SULT1E1: variants seen among roughly 807,000 people sequenced by gnomAD.
The protein encoded by SULT1E1 is sulfotransferase family 1E member 1.
SULT1E1 carries 36 observed loss-of-function variants against 33.6 expected under a neutral mutation model. The ratio of observed to expected loss-of-function variants is 1.07; its 90% CI spans 0.82 to 1.41. SULT1E1 has a LOEUF of 1.41. SULT1E1 is among the 40% of genes most tolerant of loss of function. The pLI is 0.00. For missense variants in SULT1E1, 371 were observed against 345.7 expected, an observed-to-expected ratio of 1.07 and a Z score of -0.58; for synonymous variants, 121 against 111.7, an observed-to-expected ratio of 1.08 and a Z score of -0.53.
chr4:69,823,702 C>G, the SULT1E1 span, among the ~76,000 whole-genome samples: 1 of 152,148 alleles, frequency 6.6e-6, no homozygotes, highest in African/African-American at 2.4e-5. Flanking sequence ...AGTGGAAAAG[C>G]ATATTTAGAG....
chr4:69,858,224 A>G (rs576100218), intron 1 of SULT1E1, among the ~76,000 whole-genome samples: 10 of 152,266 alleles, frequency 6.6e-5, no homozygotes, highest in African/African-American at 2.4e-4. Context: ...TATCAAAGAA[A>G]TGGAATCTTG....
At chr4:69,843,640 C>G (rs1852801) in intron 7 of SULT1E1, among the ~76,000 whole-genome samples, 3 of 151,988 alleles carry the variant, frequency 2.0e-5, no homozygotes, top group Non-Finnish European at 4.4e-5. Context: ...ATGTCTCCCC[C>G]CAAATAGAAT....
the SULT1E1 span, among the ~76,000 whole-genome samples, chr4:69,827,885 A>G: frequency 2.6e-5 from 4 of 152,326 alleles, no homozygotes; most frequent in African/African-American, 9.6e-5. Flanking sequence ...ACACTTTAAA[A>G]AAGATTGTCC....
the SULT1E1 span, among the ~76,000 whole-genome samples, chr4:69,829,505 C>T: frequency 3.2e-4 from 49 of 152,268 alleles, no homozygotes; most frequent in African/African-American, 9.9e-4. Context: ...CTCCTGCTTC[C>T]AGGGTCTTTT....
At chr4:69,843,639 C>T (rs11573795) in intron 7 of SULT1E1, among the ~76,000 whole-genome samples, 17,772 of 152,102 alleles carry the variant, frequency 0.12, 1,148 homozygotes, top group Middle Eastern at 0.16. Context: ...TATGTCTCCC[C>T]CCAAATAGAA....
At position 69,842,124 on chromosome 4, in the gene SULT1E1, G is replaced by A; in HGVS notation, c.773-18C>T. On this transcript the variant is annotated intron_variant, in intron 7 of 7. Transcript: ENST00000226444. ...TGTAATTCCTGTAACAAAAAAGAAA[G>A]CTCAATAAATATTAAGTCTTCCAAA... is the stretch of plus-strand genomic sequence containing the variant. 1 of 1,426,036 alleles carries A rather than the reference G, an allele frequency of 7.0e-7. No homozygotes were observed. The highest frequency in any genetic ancestry group is 9.8e-7 in the Non-Finnish European group (1 of 1,022,284). The allele number at this position is 1,426,036 out of a possible 1,614,324, so 88.3% of individuals were successfully genotyped here.
chr4:69,860,042 G>A lies in SULT1E1; in HGVS notation c.-10+7C>T, dbSNP rs930084513. On this transcript the variant is annotated splice_region_variant and intron_variant, in intron 1 of 7. Coordinates refer to ENST00000226444, the MANE Select transcript of SULT1E1 (RefSeq NM_005420.3). ...AAGTATTGATATTAATAATAAAAAA[G>A]TACAACCTGTTTAGTTGATCCTGTG... 1.3e-5 allele frequency: 2 copies of A among 151,926 alleles called. No homozygotes were observed. The highest frequency in any genetic ancestry group is 2.1e-4 in the South Asian group (1 of 4,826). The allele number at this position is 151,926 out of a possible 1,614,324, so 9.4% of individuals were successfully genotyped here.
intron 4 of SULT1E1, among the ~76,000 whole-genome samples, 177 bp downstream of exon 4, chr4:69,854,040 G>T (rs957370634): frequency 6.6e-6 from 1 of 152,098 alleles, no homozygotes; most frequent in African/African-American, 2.4e-5. Flanking sequence ...TCTGGCAAAA[G>T]ACAGAGTTGG....
chr4:69,838,899 C>G (rs564074647), downstream of SULT1E1, among the ~76,000 whole-genome samples: 39 of 152,154 alleles, frequency 2.6e-4, no homozygotes, highest in Non-Finnish European at 4.6e-4. Flanking sequence ...AGGAATGGCA[C>G]GGGGAACTAT....
At chr4:69,838,512 A>C (rs2110063122), downstream of SULT1E1, 1 of 152,332 alleles carries the variant, frequency 6.6e-6, no homozygotes, top group South Asian at 2.1e-4. Flanking sequence ...GTGTCAGCAA[A>C]GGGAGCAGAA....
downstream of SULT1E1, among the ~76,000 whole-genome samples, chr4:69,839,227 G>C (rs1165694193): frequency 1.3e-5 from 2 of 152,162 alleles, no homozygotes; most frequent in Non-Finnish European, 2.9e-5. Context: ...CCAGAAGTTT[G>C]TTTGGCTTAG....
the SULT1E1 span, among the ~76,000 whole-genome samples, chr4:69,831,699 G>C: frequency 6.6e-6 from 1 of 151,950 alleles, no homozygotes; most frequent in East Asian, 1.9e-4. Flanking sequence ...TTTTCTGACC[G>C]ACCAGACCGT....
chr4:69,831,523 G>T, the SULT1E1 span, among the ~76,000 whole-genome samples: 1 of 152,174 alleles, frequency 6.6e-6, no homozygotes, highest in Non-Finnish European at 1.5e-5. Context: ...GACACCAATA[G>T]AGGGCTATTC....
At chr4:69,859,234 C>G (rs1230563311) in intron 1 of SULT1E1, among the ~76,000 whole-genome samples, 2 of 151,986 alleles carry the variant, frequency 1.3e-5, no homozygotes, top group African/African-American at 2.4e-5. Context: ...CCTTCCCGCT[C>G]TCCTTCCTCT....
At chr4:69,849,361 A>C in intron 5 of SULT1E1, 76 bp downstream of exon 5, 2 of 1,547,826 alleles carry the variant, frequency 1.3e-6, no homozygotes, top group Non-Finnish European at 1.8e-6. Context: ...CAGAACAGTT[A>C]AAAACTTTTA....
chr4:69,825,406 C>T, the SULT1E1 span, among the ~76,000 whole-genome samples: 1 of 152,166 alleles, frequency 6.6e-6, no homozygotes, highest in Non-Finnish European at 1.5e-5. Context: ...CACATTTTGG[C>T]AACCGTGAAG....
chr4:69,823,341 A>G, the SULT1E1 span, among the ~76,000 whole-genome samples: 11,442 of 152,134 alleles, frequency 0.075, 582 homozygotes, highest in Non-Finnish European at 0.11. Context: ...CAGAATTTTC[A>G]CCATTCTCCT....
chr4:69,823,599 C>G, the SULT1E1 span, among the ~76,000 whole-genome samples: 1 of 152,304 alleles, frequency 6.6e-6, no homozygotes, highest in East Asian at 1.9e-4. Flanking sequence ...CATACGGTGT[C>G]TAAGAGCTGT....
intron 6 of SULT1E1, among the ~76,000 whole-genome samples, chr4:69,846,777 T>C (rs1346423382): frequency 6.6e-6 from 1 of 151,728 alleles, no homozygotes; most frequent in East Asian, 1.9e-4. Context: ...TTTGTTATTG[T>C]CAGATATTTA....
Sources: allele counts gnomAD v4.1 joint callset (sites outside exome capture counted in the v4.1 genomes callset), GRCh38; gene constraint gnomAD v4.1.1; transcripts MANE v1.5; gene names NCBI Gene and HGNC (gene_info 2026-07-23, HGNC 2026-07-21).